RBFOX1: variants seen among roughly 807,000 people sequenced by gnomAD.
The protein encoded by RBFOX1 is RNA binding fox-1 homolog 1.
RBFOX1 carries 8 observed loss-of-function variants against 57.7 expected under a neutral mutation model. The observed-to-expected ratio is 0.14, with a 90% CI of 0.08 to 0.25. RBFOX1 has a LOEUF of 0.25. Ranked by LOEUF, RBFOX1 falls within the 10% of genes least tolerant of loss-of-function variation. The pLI is 1.00. For missense variants in RBFOX1, 611 were observed against 548.5 expected, an observed-to-expected ratio of 1.11 and a Z score of -1.14; for synonymous variants, 326 against 222.4, an observed-to-expected ratio of 1.47 and a Z score of -4.15.
intron 1 of RBFOX1, among the ~76,000 whole-genome samples, chr16:5,293,094 G>A (rs2151179209): frequency 6.6e-6 from 1 of 152,030 alleles, no homozygotes; most frequent in East Asian, 2.0e-4. Context: ...GCTGAGGTGG[G>A]TGGATCATTT....
At chr16:5,279,135 G>A (rs1310384176) in intron 1 of RBFOX1, among the ~76,000 whole-genome samples, 1 of 152,042 alleles carries the variant, frequency 6.6e-6, no homozygotes, top group African/African-American at 2.4e-5. Flanking sequence ...GAATATAATT[G>A]ATAGGGATTA....
At chr16:7,187,077 A>C (rs977147578) in intron 4 of RBFOX1, among the ~76,000 whole-genome samples, 1 of 151,004 alleles carries the variant, frequency 6.6e-6, no homozygotes, top group Non-Finnish European at 1.5e-5. Flanking sequence ...TTGAGGTAGG[A>C]GGACCACTTT....
intron 4 of RBFOX1, among the ~76,000 whole-genome samples, chr16:7,360,546 C>A (rs571335863): frequency 5.1e-4 from 77 of 152,248 alleles, no homozygotes; most frequent in African/African-American, 1.6e-3. Context: ...TAACGGGTGG[C>A]CTGAGGACCA....
At chr16:5,337,064 G>A (rs2064916352) in intron 1 of RBFOX1, among the ~76,000 whole-genome samples, 1 of 152,164 alleles carries the variant, frequency 6.6e-6, no homozygotes, top group African/African-American at 2.4e-5. Flanking sequence ...TCTCTAAGTG[G>A]GTGAGGAGCA....
intron 4 of RBFOX1, among the ~76,000 whole-genome samples, chr16:7,451,437 C>T (rs2098855132): frequency 1.3e-5 from 2 of 151,998 alleles, no homozygotes; most frequent in African/African-American, 2.4e-5. Flanking sequence ...TTAACTTGGG[C>T]GGGCTCACTT....
intron 4 of RBFOX1, among the ~76,000 whole-genome samples, chr16:7,147,387 C>T (rs12921393): frequency 1.3e-4 from 19 of 150,716 alleles, no homozygotes; most frequent in Non-Finnish European, 2.1e-4. Flanking sequence ...CTGCATGTTC[C>T]TGAAGTTTGG....
intron 3 of RBFOX1, among the ~76,000 whole-genome samples, chr16:6,849,801 T>G (rs2093969267): frequency 6.6e-6 from 1 of 152,228 alleles, no homozygotes; most frequent in South Asian, 2.1e-4. Context: ...CCTTGATTTC[T>G]ACCCACTGAA....
chr16:5,533,518 C>T (rs2044570489), intron 2 of RBFOX1, among the ~76,000 whole-genome samples: 1 of 152,114 alleles, frequency 6.6e-6, no homozygotes, highest in Admixed American at 6.5e-5. Flanking sequence ...TACAGAGATG[C>T]AAGGAACATT....
intron 3 of RBFOX1, among the ~76,000 whole-genome samples, chr16:5,852,931 C>G (rs1295086594): frequency 6.6e-6 from 1 of 152,182 alleles, no homozygotes; most frequent in Non-Finnish European, 1.5e-5. Context: ...TGCCCCTCCT[C>G]TAGGGCCCCT....
At chr16:7,451,008 A>T (rs991688283) in intron 4 of RBFOX1, among the ~76,000 whole-genome samples, 4 of 152,092 alleles carry the variant, frequency 2.6e-5, no homozygotes, top group Admixed American at 6.6e-5. Flanking sequence ...ATTAGATAAG[A>T]CCTGGGCTTC....
At chr16:5,610,693 A>C (rs890373953) in intron 3 of RBFOX1, 1 of 28,420 alleles carries the variant, frequency 3.5e-5, no homozygotes, top group African/African-American at 5.0e-5. Flanking sequence ...TCAGAAAATT[A>C]AAAAAAAATT....
intron 2 of RBFOX1, among the ~76,000 whole-genome samples, chr16:6,401,354 G>C (rs1285615470): frequency 6.6e-6 from 1 of 152,126 alleles, no homozygotes; most frequent in Non-Finnish European, 1.5e-5. Flanking sequence ...ATTAGAAAAT[G>C]AAAAATTCTT....
chr16:6,351,366 A>ATTTTT (rs1158685144), intron 2 of RBFOX1, among the ~76,000 whole-genome samples: 1 of 99,036 alleles, frequency 1.0e-5, no homozygotes, highest in African/African-American at 4.9e-5. Context: ...ATATATATAT[A>ATTTTT]TATATATTTT....
intron 1 of RBFOX1, among the ~76,000 whole-genome samples, chr16:6,181,776 A>C (rs1006655214): frequency 2.0e-5 from 3 of 152,128 alleles, no homozygotes; most frequent in African/African-American, 4.8e-5. Flanking sequence ...ATGTGCATGC[A>C]GTTGACCCAC....
chr16:5,792,147 C>A (rs1391626459), intron 3 of RBFOX1, among the ~76,000 whole-genome samples: 2 of 152,178 alleles, frequency 1.3e-5, no homozygotes, highest in Non-Finnish European at 2.9e-5. Context: ...GGACCCCAGT[C>A]TAAGGGGCTG....
At chr16:6,483,981 C>T (rs969872921) in intron 2 of RBFOX1, 1 of 1,008,850 alleles carries the variant, frequency 9.9e-7, no homozygotes, top group Non-Finnish European at 1.2e-6. Context: ...CTGGGTGCCC[C>T]GTGGTGGGGG....
At chr16:7,060,190 C>T (rs1164383132) in intron 4 of RBFOX1, among the ~76,000 whole-genome samples, 1 of 152,086 alleles carries the variant, frequency 6.6e-6, no homozygotes, top group East Asian at 1.9e-4. Context: ...TGCCCCCACT[C>T]GACACTGCCA....
At chr16:6,388,436 T>C (rs1479924239) in intron 2 of RBFOX1, among the ~76,000 whole-genome samples, 1 of 152,196 alleles carries the variant, frequency 6.6e-6, no homozygotes, top group African/African-American at 2.4e-5. Flanking sequence ...CACCATTTAA[T>C]GGTGATTTAA....
chr16:7,224,011 C>T (rs943028123), intron 4 of RBFOX1, among the ~76,000 whole-genome samples: 3 of 150,322 alleles, frequency 2.0e-5, no homozygotes, highest in African/African-American at 7.3e-5. Flanking sequence ...AAGTAAAGTA[C>T]ATATTATTTA....
Sources: gnomAD v4.1 joint callset for allele counts (sites outside exome capture counted in the v4.1 genomes callset) on GRCh38, gnomAD v4.1.1 for gene constraint, MANE v1.5 for transcripts, NCBI Gene and HGNC (gene_info 2026-07-23, HGNC 2026-07-21) for gene names.